Variants in SGCZ observed in about 807,000 individuals in gnomAD.
The protein encoded by SGCZ is zeta-sarcoglycan.
In SGCZ, 40 loss-of-function variants were observed where a neutral mutation model predicts 41.3. The observed-to-expected ratio is 0.97, with a 90% CI of 0.75 to 1.26. The LOEUF is 1.26. Ranked by LOEUF, SGCZ falls within the 50% of genes most tolerant of loss-of-function variation. The pLI is 0.00. For missense variants in SGCZ, 552 were observed against 369.8 expected, an observed-to-expected ratio of 1.49 and a Z score of -4.04; for synonymous variants, 206 against 137.5, an observed-to-expected ratio of 1.50 and a Z score of -3.49.
intron 1 of SGCZ, among the ~76,000 whole-genome samples, chr8:15,095,593 A>G (rs1563122433): frequency 6.6e-6 from 1 of 151,242 alleles, no homozygotes; most frequent in Admixed American, 6.6e-5. Flanking sequence ...AGGGTTTCAG[A>G]TTTTTTTTTA....
intron 1 of SGCZ, among the ~76,000 whole-genome samples, chr8:15,032,005 G>GA (rs1285548330): frequency 1.3e-5 from 2 of 151,000 alleles, no homozygotes; most frequent in East Asian, 4.0e-4. Flanking sequence ...ATGTCGGACA[G>GA]AAAAAAGTAT....
intron 1 of SGCZ, among the ~76,000 whole-genome samples, chr8:15,072,864 A>T (rs974756958): frequency 7.9e-5 from 12 of 152,196 alleles, no homozygotes; most frequent in Non-Finnish European, 1.8e-4. Context: ...CTAGAGAGCA[A>T]CATACGACTC....
intron 1 of SGCZ, among the ~76,000 whole-genome samples, chr8:15,168,156 C>T (rs187132253): frequency 1.3e-5 from 2 of 152,240 alleles, no homozygotes; most frequent in East Asian, 3.9e-4. Flanking sequence ...ACACCCCCAC[C>T]TCCCAAGATA....
intron 2 of SGCZ, among the ~76,000 whole-genome samples, chr8:14,354,245 T>C (rs1231491548): frequency 1.3e-5 from 2 of 152,018 alleles, no homozygotes; most frequent in East Asian, 1.9e-4. Flanking sequence ...ATTTAATAAA[T>C]ATTCATTGAA....
At chr8:14,769,529 C>T (rs973400378) in intron 1 of SGCZ, among the ~76,000 whole-genome samples, 3 of 152,086 alleles carry the variant, frequency 2.0e-5, no homozygotes, top group African/African-American at 4.8e-5. Flanking sequence ...CGATGGCTCA[C>T]GCCTGTAATC....
At chr8:14,294,878 A>T (rs1487541514) in intron 3 of SGCZ, among the ~76,000 whole-genome samples, 1 of 152,184 alleles carries the variant, frequency 6.6e-6, no homozygotes, top group Non-Finnish European at 1.5e-5. Flanking sequence ...TGCCCTTTTA[A>T]AATGTCAATA....
At chr8:14,433,721 T>C (rs550823747) in intron 2 of SGCZ, among the ~76,000 whole-genome samples, 31 of 152,298 alleles carry the variant, frequency 2.0e-4, no homozygotes, top group African/African-American at 7.2e-4. Flanking sequence ...GTGAAGCAAA[T>C]CTGATTTTCA....
chr8:14,314,692 G>T lies in SGCZ; in HGVS notation c.336+9411C>A, dbSNP rs553079981. 1.8e-4 allele frequency among the ~76,000 whole-genome samples: 27 copies of T among 152,214 alleles called. No homozygotes were observed. The East Asian group carries it at 5.0e-3, about 28-fold the overall frequency. On this transcript the variant is annotated intron_variant, in intron 3 of 7. Transcript: ENST00000382080. Reference sequence around the variant, plus strand: ...TCAGTGGGTACATGGGTTGGTTCAAGGGCATATCTGAGCCACACAAATTTG... The same window carrying T: ...TCAGTGGGTACATGGGTTGGTTCAATGGCATATCTGAGCCACACAAATTTG...
chr8:14,135,855 T>A (rs976425593), intron 5 of SGCZ, among the ~76,000 whole-genome samples: 1 of 151,678 alleles, frequency 6.6e-6, no homozygotes, highest in African/African-American at 2.4e-5. Context: ...CAAAAAACAG[T>A]ATTAAAGCCA....
chr8:14,366,278 G>C (rs1033122496), intron 2 of SGCZ, among the ~76,000 whole-genome samples: 3 of 152,136 alleles, frequency 2.0e-5, no homozygotes, highest in Non-Finnish European at 2.9e-5. Context: ...CTTACAATCA[G>C]AGCAGAAGGT....
intron 2 of SGCZ, among the ~76,000 whole-genome samples, chr8:14,390,263 C>T (rs10106437): frequency 0.084 from 12,791 of 151,722 alleles, 1,664 homozygotes; most frequent in African/African-American, 0.28. Flanking sequence ...AGGGCAATAA[C>T]ATGTTCTCAT....
Position 14,211,713 on chromosome 8 carries a change from G to A in SGCZ, c.424+25879C>T, listed in dbSNP as rs1055224285. Among the ~76,000 whole-genome samples, 6 of 152,162 alleles carry A rather than the reference G, an allele frequency of 3.9e-5. No individual in the cohort carries two copies. In the East Asian group the frequency reaches 5.8e-4, roughly 15 times the overall value. On this transcript the variant is annotated intron_variant, in intron 4 of 7. Coordinates refer to ENST00000382080, the MANE Select transcript of SGCZ (RefSeq NM_139167.4). ...ACACACTTTTAAACCATCACATCTC[G>A]TGAGAACTCACTCACTATCACAAGA... is the stretch of plus-strand genomic sequence containing the variant.
chr8:14,100,875 C>CTTTTTCTTCTCAATTTGACCTT (rs1222559990), intron 7 of SGCZ, among the ~76,000 whole-genome samples: 1 of 151,804 alleles, frequency 6.6e-6, no homozygotes, highest in Non-Finnish European at 1.5e-5. Flanking sequence ...TCCTTTCATT[C>CTTTTTCTTCTCAATTTGACCTT]TTTTTCTTCT....
intron 1 of SGCZ, among the ~76,000 whole-genome samples, chr8:14,720,000 C>T (rs530460824): frequency 3.3e-5 from 5 of 152,020 alleles, no homozygotes; most frequent in South Asian, 2.1e-4. Flanking sequence ...CTAAAGTTTA[C>T]GTCTTTAATC....
chr8:14,994,438 G>A (rs1802140117), intron 1 of SGCZ, among the ~76,000 whole-genome samples: 1 of 152,130 alleles, frequency 6.6e-6, no homozygotes, highest in Admixed American at 6.5e-5. Flanking sequence ...CAAACAATTA[G>A]CTGGGCATGG....
intron 1 of SGCZ, among the ~76,000 whole-genome samples, chr8:14,970,798 T>C (rs1336152751): frequency 6.6e-6 from 1 of 152,172 alleles, no homozygotes; most frequent in African/African-American, 2.4e-5. Flanking sequence ...TCCATTTCTA[T>C]ATGAATTTGT....
intron 1 of SGCZ, among the ~76,000 whole-genome samples, chr8:14,704,978 A>G (rs1414457404): frequency 6.6e-6 from 1 of 152,010 alleles, no homozygotes; most frequent in Non-Finnish European, 1.5e-5. Context: ...GATTACTTTT[A>G]TAACTTTGAA....
intron 1 of SGCZ, among the ~76,000 whole-genome samples, chr8:14,759,400 T>C (rs1423314026): frequency 1.3e-5 from 2 of 152,186 alleles, no homozygotes; most frequent in Admixed American, 1.3e-4. Context: ...CTTTAATTCT[T>C]AAAGCTTCAT....
chr8:15,173,876 C>A (rs1052929211), intron 1 of SGCZ, among the ~76,000 whole-genome samples: 1 of 152,062 alleles, frequency 6.6e-6, no homozygotes, highest in Non-Finnish European at 1.5e-5. Context: ...CATAGGCATG[C>A]ACCACCACAC....
Sources: allele counts gnomAD v4.1 joint callset (sites outside exome capture counted in the v4.1 genomes callset), GRCh38; gene constraint gnomAD v4.1.1; transcripts MANE v1.5; gene names NCBI Gene and HGNC (gene_info 2026-07-23, HGNC 2026-07-21).